Variants in MAST4 observed in about 807,000 individuals in gnomAD.
The protein encoded by MAST4 is microtubule associated serine/threonine kinase family member 4, also known as microtubule-associated serine/threonine-protein kinase 4.
In MAST4, 89 loss-of-function variants were observed where a neutral mutation model predicts 162.7. That is an observed-to-expected ratio of 0.55 (90% confidence interval 0.46 to 0.65). MAST4 has a LOEUF of 0.65. Ranked by LOEUF, MAST4 falls within the 30% of genes least tolerant of loss-of-function variation. The pLI, the probability that MAST4 is intolerant of heterozygous loss-of-function variation, is 0.00. For missense variants in MAST4, 3,153 were observed against 3,374.0 expected (o/e 0.93, Z 1.62); for synonymous variants, 1,479 against 1,361.1 (o/e 1.09, Z -1.91).
At chr5:66,976,133 G>GCGT (rs1401066100) in intron 4 of MAST4, among the ~76,000 whole-genome samples, 1 of 152,198 alleles carries the variant, frequency 6.6e-6, no homozygotes, top group Non-Finnish European at 1.5e-5. Context: ...TGGGATCATT[G>GCGT]CGTCTGCTGT....
chr5:66,789,988 A>ATTTTTTTTTTTTTTTTTTT (rs57743987), intron 3 of MAST4, among the ~76,000 whole-genome samples: 12 of 52,472 alleles, frequency 2.3e-4, no homozygotes, highest in East Asian at 7.2e-4. Context: ...GCTTATTAGA[A>ATTTTTTTTTTTTTTTTTTT]TTTTTTTTTT....
intron 4 of MAST4, among the ~76,000 whole-genome samples, chr5:66,971,663 A>G (rs1183366025): frequency 6.6e-6 from 1 of 152,136 alleles, no homozygotes; most frequent in Non-Finnish European, 1.5e-5. Flanking sequence ...GAATATATTG[A>G]AATTATTCTA....
In MAST4 at chr5:66,746,957, A is replaced by ATT. The variant is rs374549454; in HGVS notation, c.364-12742_364-12741dup. ...AAAACTATAAAATGATACTAGCTTT[A>ATT]TTTTTTTTTTTAACATCTTTAGACT... On this transcript the variant is annotated intron_variant, in intron 1 of 28. Transcript: ENST00000403625. 5.5e-3 allele frequency among the ~76,000 whole-genome samples: 815 copies of ATT among 148,614 alleles called. 7 individuals are homozygous for ATT. The highest frequency in any genetic ancestry group is 0.05 in the South Asian group (234 of 4,726).
Position 67,167,147 on chromosome 5 carries a change from G to A in MAST4, c.*96G>A. The stretch of plus-strand genomic sequence containing the variant: ...AAACCAGCACTGTGTGGGAATGTCC[G>A]CCAGGCAGAGCTCGGAGCCTCATTG... On this transcript the variant is annotated 3_prime_UTR_variant, in exon 29 of 29. Transcript: ENST00000403625. 3.7e-6 allele frequency: 4 copies of A among 1,095,754 alleles called. No individual in the cohort carries two copies. Among genetic ancestry groups the A allele is most frequent in the Middle Eastern group, 2.9e-4 (1 of 3,474 alleles). The allele number at this position is 1,095,754 out of a possible 1,614,324, so 67.9% of individuals were successfully genotyped here.
intron 1 of MAST4, among the ~76,000 whole-genome samples, chr5:66,757,644 G>T (rs528374414): frequency 9.2e-5 from 14 of 152,066 alleles, no homozygotes; most frequent in African/African-American, 3.4e-4. Context: ...GTATTTGGAG[G>T]GGGGTGAAGA....
chr5:67,068,898 C>T (rs993794707), intron 5 of MAST4, among the ~76,000 whole-genome samples: 4 of 151,756 alleles, frequency 2.6e-5, no homozygotes, highest in Non-Finnish European at 5.9e-5. Flanking sequence ...CAGCAGGAGA[C>T]GGCACCCACC....
At chr5:66,723,923 C>A (rs1751362528) in intron 1 of MAST4, among the ~76,000 whole-genome samples, 1 of 152,108 alleles carries the variant, frequency 6.6e-6, no homozygotes, top group Non-Finnish European at 1.5e-5. Context: ...GGCAGATTCT[C>A]CCCTAAGCAG....
intron 1 of MAST4, among the ~76,000 whole-genome samples, chr5:66,707,366 G>A (rs896644187): frequency 3.3e-5 from 5 of 152,300 alleles, no homozygotes; most frequent in East Asian, 1.9e-4. Context: ...TTGGGCTGCC[G>A]TTCAGAGAAG....
chr5:67,062,563 T>C (rs1759756596), intron 5 of MAST4, among the ~76,000 whole-genome samples: 1 of 152,220 alleles, frequency 6.6e-6, no homozygotes, highest in South Asian at 2.1e-4. Flanking sequence ...AAATGTTCAT[T>C]CAGCAAGGCA....
chr5:66,706,932 GATTTGTAGTCAAGA>G (rs1441361191), intron 1 of MAST4, among the ~76,000 whole-genome samples: 3 of 152,174 alleles, frequency 2.0e-5, no homozygotes, highest in African/African-American at 7.2e-5. Flanking sequence ...ATGTGTGTCA[GATTTGTAGTCAAGA>G]AACTGCGGAT....
intron 5 of MAST4, among the ~76,000 whole-genome samples, chr5:67,078,121 C>A (rs756943854): frequency 6.6e-5 from 10 of 151,682 alleles, no homozygotes; most frequent in Non-Finnish European, 1.2e-4. Context: ...AAATAAATAA[C>A]TAGAAAAAAA....
intron 1 of MAST4, among the ~76,000 whole-genome samples, chr5:66,658,823 A>G (rs1455745085): frequency 6.6e-6 from 1 of 152,084 alleles, no homozygotes; most frequent in South Asian, 2.1e-4. Flanking sequence ...GGAGTTCCAG[A>G]CTAGCCTGAG....
At chr5:66,816,291 ATTC>A (rs1277689948) in intron 3 of MAST4, among the ~76,000 whole-genome samples, 1 of 151,954 alleles carries the variant, frequency 6.6e-6, no homozygotes, top group African/African-American at 2.4e-5. Context: ...GTCCAAGACA[ATTC>A]TTCTTCCGAT....
intron 1 of MAST4, among the ~76,000 whole-genome samples, chr5:66,605,415 G>A (rs1742821078): frequency 6.6e-6 from 1 of 152,198 alleles, no homozygotes. Context: ...CTGGTAAGTA[G>A]AAGCGCCCTG....
intron 5 of MAST4, among the ~76,000 whole-genome samples, chr5:67,075,760 C>T (rs1561615730): frequency 6.6e-6 from 1 of 152,186 alleles, no homozygotes; most frequent in Non-Finnish European, 1.5e-5. Context: ...TTATCTCACA[C>T]ATTGTTCCAC....
At chr5:66,656,198 T>C (rs1746534536) in intron 1 of MAST4, among the ~76,000 whole-genome samples, 1 of 152,232 alleles carries the variant, frequency 6.6e-6, no homozygotes. Context: ...GCTCTGTACT[T>C]GTCTTAATAA....
chr5:67,112,000 G>GGCTC (rs1476283919), intron 11 of MAST4, among the ~76,000 whole-genome samples: 1 of 151,904 alleles, frequency 6.6e-6, no homozygotes, highest in Non-Finnish European at 1.5e-5. Flanking sequence ...TGTTTGTAAA[G>GGCTC]GCTCTGAGTA....
chr5:66,904,241 C>T (rs534719018), intron 4 of MAST4, among the ~76,000 whole-genome samples: 1 of 152,230 alleles, frequency 6.6e-6, no homozygotes, highest in African/African-American at 2.4e-5. Context: ...ACCAAGGTGT[C>T]CCTGGCAGCC....
At chr5:66,898,680 G>T (rs912764046) in intron 3 of MAST4, among the ~76,000 whole-genome samples, 41 of 152,202 alleles carry the variant, frequency 2.7e-4, no homozygotes, top group Non-Finnish European at 5.9e-4. Flanking sequence ...TTTTGCTATT[G>T]GGTGAAAGAA....
Sources: gnomAD v4.1 joint callset for allele counts (sites outside exome capture counted in the v4.1 genomes callset) on GRCh38, gnomAD v4.1.1 for gene constraint, MANE v1.5 for transcripts, NCBI Gene and HGNC (gene_info 2026-07-23, HGNC 2026-07-21) for gene names.